Variants in PEX5L observed in about 807,000 individuals in gnomAD.
PEX5L encodes peroxisomal biogenesis factor 5 like.
A neutral mutation model predicts 84.0 loss-of-function variants in PEX5L; 30 were observed. That is an observed-to-expected ratio of 0.36 (90% confidence interval 0.27 to 0.48). The LOEUF is 0.48. PEX5L is among the 20% of genes least tolerant of loss of function. PEX5L has a pLI of 0.99. For synonymous variants in PEX5L, 270 were observed against 283.1 expected (o/e 0.95, Z 0.46); for missense variants, 533 against 754.6 (o/e 0.71, Z 3.44).
chr3:179,819,749 T>A, intron 9 of PEX5L, 111 bp downstream of exon 9: 1 of 923,074 alleles, frequency 1.1e-6, no homozygotes, highest in Non-Finnish European at 1.7e-6. Flanking sequence ...GACATTAAAT[T>A]GTCTTTTTAA....
chr3:179,904,336 T>C (rs1762410119), intron 2 of PEX5L, among the ~76,000 whole-genome samples: 1 of 152,190 alleles, frequency 6.6e-6, no homozygotes. Flanking sequence ...GGACCTTCCA[T>C]TTGTGTTTTG....
intron 7 of PEX5L, among the ~76,000 whole-genome samples, chr3:179,871,673 T>C (rs1373032757): frequency 4.6e-5 from 7 of 152,162 alleles, no homozygotes; most frequent in Non-Finnish European, 1.0e-4. Context: ...TCAAATCGTG[T>C]TCAAATAAGG....
At chr3:179,893,443 T>TTTGTTTTGTGACTTAAATC (rs1260094151) in intron 3 of PEX5L, among the ~76,000 whole-genome samples, 11 of 152,160 alleles carry the variant, frequency 7.2e-5, no homozygotes, top group African/African-American at 2.7e-4. Context: ...GTTTATATTG[T>TTTGTTTTGTGACTTAAATC]TTGTTTTGTG....
intron 2 of PEX5L, among the ~76,000 whole-genome samples, chr3:179,929,994 G>A (rs981420143): frequency 6.6e-6 from 1 of 152,132 alleles, no homozygotes; most frequent in Non-Finnish European, 1.5e-5. Context: ...CCAAGCCTGA[G>A]TGAGCTCTTA....
intron 2 of PEX5L, among the ~76,000 whole-genome samples, chr3:179,964,547 C>T (rs1782855590): frequency 6.6e-6 from 1 of 152,072 alleles, no homozygotes; most frequent in Non-Finnish European, 1.5e-5. Flanking sequence ...GCAAACTATG[C>T]ATCTCACGAA....
At chr3:179,928,050 G>A (rs926001505) in intron 2 of PEX5L, among the ~76,000 whole-genome samples, 1 of 152,196 alleles carries the variant, frequency 6.6e-6, no homozygotes, top group Admixed American at 6.5e-5. Flanking sequence ...GAATGCACAG[G>A]TCTTGTTTCC....
intron 1 of PEX5L, among the ~76,000 whole-genome samples, chr3:180,028,973 G>C (rs1346493182): frequency 2.0e-5 from 3 of 152,188 alleles, no homozygotes; most frequent in Non-Finnish European, 4.4e-5. Flanking sequence ...CTTTTAGGCT[G>C]TCTGAATAGG....
intron 7 of PEX5L, among the ~76,000 whole-genome samples, chr3:179,869,108 C>G (rs1373113495): frequency 6.6e-6 from 1 of 152,156 alleles, no homozygotes; most frequent in East Asian, 1.9e-4. Flanking sequence ...TCAGCAAAAT[C>G]AGTGAGTTAC....
chr3:179,937,735 G>GT (rs2109745097), intron 2 of PEX5L, among the ~76,000 whole-genome samples: 1 of 152,258 alleles, frequency 6.6e-6, no homozygotes, highest in African/African-American at 2.4e-5. Flanking sequence ...TAAGGATTTG[G>GT]TAACTCTGGA....
chr3:179,943,041 A>G (rs1489726919), intron 2 of PEX5L, among the ~76,000 whole-genome samples: 1 of 152,212 alleles, frequency 6.6e-6, no homozygotes, highest in Non-Finnish European at 1.5e-5. Flanking sequence ...TTGTGTGACA[A>G]TCAAATGACG....
chr3:179,947,116 T>A (rs17749273), intron 2 of PEX5L, among the ~76,000 whole-genome samples: 27,890 of 152,040 alleles, frequency 0.18, 2,822 homozygotes, highest in African/African-American at 0.24. Context: ...TGAGGTATTG[T>A]GAAAGTACGC....
chr3:179,876,610 A>G lies in PEX5L; in HGVS notation c.506-1133T>C, dbSNP rs28718344. 8.6e-3 allele frequency among the ~76,000 whole-genome samples: 1,311 copies of G among 152,286 alleles called. 18 individuals carry two copies. The highest frequency in any genetic ancestry group is 0.03 in the African/African-American group (1,256 of 41,552). On this transcript the variant is annotated intron_variant, in intron 5 of 14. Coordinates refer to ENST00000467460, the MANE Select transcript of PEX5L (RefSeq NM_016559.3). ...AAATTGACCACTTAAACCATATTTT[A>G]GTGTATAATTGAGTAGCATTAGTAC...
intron 3 of PEX5L, among the ~76,000 whole-genome samples, chr3:179,889,871 G>T (rs751025252): frequency 7.2e-5 from 11 of 152,246 alleles, no homozygotes; most frequent in Non-Finnish European, 1.3e-4. Context: ...GGAATGATTT[G>T]TAATACTTTC....
At chr3:179,814,010 G>A (rs530389145) in intron 10 of PEX5L, among the ~76,000 whole-genome samples, 6 of 148,964 alleles carry the variant, frequency 4.0e-5, no homozygotes, top group African/African-American at 1.2e-4. Flanking sequence ...TACTAGAGAC[G>A]GGGTTTCCCC....
chr3:179,826,116 G>A (rs1315462270), intron 8 of PEX5L, among the ~76,000 whole-genome samples: 2 of 152,140 alleles, frequency 1.3e-5, no homozygotes, highest in Non-Finnish European at 2.9e-5. Context: ...GGAAAGACTG[G>A]AAATGATGGG....
intron 1 of PEX5L, among the ~76,000 whole-genome samples, chr3:180,034,640 G>A (rs946589480): frequency 2.6e-5 from 4 of 152,000 alleles, no homozygotes; most frequent in African/African-American, 7.2e-5. Flanking sequence ...CTAAGGCCTC[G>A]GAAGTTTTAT....
intron 1 of PEX5L, among the ~76,000 whole-genome samples, chr3:179,971,948 A>G (rs1185862583): frequency 6.6e-6 from 1 of 152,174 alleles, no homozygotes; most frequent in Non-Finnish European, 1.5e-5. Flanking sequence ...TAGTATCAGA[A>G]AAGATTCTTT....
intron 2 of PEX5L, among the ~76,000 whole-genome samples, chr3:179,943,655 C>T (rs900100013): frequency 1.3e-5 from 2 of 152,162 alleles, no homozygotes; most frequent in African/African-American, 4.8e-5. Context: ...TGGAGAATCA[C>T]AATAAGACAG....
intron 2 of PEX5L, among the ~76,000 whole-genome samples, chr3:179,928,492 A>G (rs1038601704): frequency 1.3e-5 from 2 of 152,138 alleles, no homozygotes; most frequent in Non-Finnish European, 2.9e-5. Flanking sequence ...GCTTCAAACA[A>G]TGTGTCGAGG....
Sources: gnomAD v4.1 joint callset for allele counts (sites outside exome capture counted in the v4.1 genomes callset) on GRCh38, gnomAD v4.1.1 for gene constraint, MANE v1.5 for transcripts, NCBI Gene and HGNC (gene_info 2026-07-23, HGNC 2026-07-21) for gene names.